Variants in MAGI2 observed in about 807,000 individuals in gnomAD.
MAGI2 encodes the protein membrane-associated guanylate kinase, WW and PDZ domain-containing protein 2.
In MAGI2, 35 loss-of-function variants were observed where a neutral mutation model predicts 133.3. That is an observed-to-expected ratio of 0.26 (90% CI 0.20 to 0.35). MAGI2 has a LOEUF of 0.35. MAGI2 is among the 10% of genes least tolerant of loss of function. MAGI2 has a pLI of 1.00. For synonymous variants in MAGI2, 729 were observed against 710.6 expected (o/e 1.03, Z -0.41); for missense variants, 1,636 against 1,863.4 (o/e 0.88, Z 2.25).
intron 1 of MAGI2, among the ~76,000 whole-genome samples, chr7:79,053,182 C>T (rs1277450560): frequency 1.3e-5 from 2 of 152,094 alleles, no homozygotes; most frequent in African/African-American, 4.8e-5. Flanking sequence ...ACCACATTAG[C>T]TAGGATGGTC....
At chr7:79,336,631 C>A (rs1025166342) in intron 1 of MAGI2, among the ~76,000 whole-genome samples, 1 of 152,042 alleles carries the variant, frequency 6.6e-6, no homozygotes, top group Non-Finnish European at 1.5e-5. Flanking sequence ...TTAATGCTAA[C>A]AGTGGCTTTT....
intron 2 of MAGI2, among the ~76,000 whole-genome samples, chr7:78,731,887 C>T (rs1241218494): frequency 6.6e-6 from 1 of 152,150 alleles, no homozygotes; most frequent in Non-Finnish European, 1.5e-5. Context: ...CGTGTACTCA[C>T]ACAGTTGAAT....
intron 3 of MAGI2, among the ~76,000 whole-genome samples, chr7:78,553,051 GA>G (rs1299584161): frequency 2.7e-5 from 4 of 146,548 alleles, no homozygotes; most frequent in Non-Finnish European, 6.0e-5. Context: ...GTAAGAGGCA[GA>G]GAAGGAAAAT....
chr7:78,903,269 C>T (rs975811904), intron 2 of MAGI2, among the ~76,000 whole-genome samples: 11 of 143,902 alleles, frequency 7.6e-5, no homozygotes, highest in African/African-American at 2.9e-4. Flanking sequence ...TCTTGGCTCA[C>T]CGCAAGCTCC....
chr7:78,137,831 A>G (rs1208698428), intron 16 of MAGI2, among the ~76,000 whole-genome samples: 2 of 152,238 alleles, frequency 1.3e-5, no homozygotes, highest in Non-Finnish European at 1.5e-5. Context: ...CCCTACACAC[A>G]TAAACACACA....
chr7:79,164,254 A>G (rs547262822), intron 1 of MAGI2, among the ~76,000 whole-genome samples: 36 of 152,120 alleles, frequency 2.4e-4, no homozygotes, highest in African/African-American at 8.4e-4. Context: ...CTCATCTGGC[A>G]GGTTTTATTT....
intron 20 of MAGI2, among the ~76,000 whole-genome samples, chr7:78,090,198 T>C (rs924444908): frequency 6.6e-6 from 1 of 152,234 alleles, no homozygotes; most frequent in African/African-American, 2.4e-5. Context: ...TCTCTGTGTG[T>C]CCACTGCTCT....
intron 1 of MAGI2, among the ~76,000 whole-genome samples, chr7:79,188,597 C>A (rs10270117): frequency 6.6e-6 from 1 of 151,484 alleles, no homozygotes; most frequent in African/African-American, 2.4e-5. Context: ...TGCATAAGCA[C>A]CCAATTCTTG....
intron 14 of MAGI2, among the ~76,000 whole-genome samples, chr7:78,176,765 T>C (rs1049885407): frequency 2.0e-5 from 3 of 152,008 alleles, no homozygotes; most frequent in Non-Finnish European, 4.4e-5. Flanking sequence ...GGAGGATTGA[T>C]TGAGTCCAGG....
chr7:79,308,944 A>AT (rs1252865692), intron 1 of MAGI2, among the ~76,000 whole-genome samples: 1 of 151,802 alleles, frequency 6.6e-6, no homozygotes, highest in East Asian at 1.9e-4. Context: ...AAAGTTGAAC[A>AT]TTTTTTTAAA....
At chr7:78,182,884 C>A (rs936717960) in intron 13 of MAGI2, among the ~76,000 whole-genome samples, 1 of 152,162 alleles carries the variant, frequency 6.6e-6, no homozygotes, top group African/African-American at 2.4e-5. Flanking sequence ...TTGTTTCTCA[C>A]TAATATTCTC....
chr7:79,397,424 C>T (rs936324955), intron 1 of MAGI2, among the ~76,000 whole-genome samples: 5 of 151,774 alleles, frequency 3.3e-5, no homozygotes, highest in Non-Finnish European at 7.4e-5. Context: ...TTTACATTAT[C>T]AGTTTTACTG....
intron 2 of MAGI2, among the ~76,000 whole-genome samples, chr7:78,908,017 G>T (rs181402476): frequency 2.1e-4 from 32 of 152,282 alleles, no homozygotes; most frequent in Admixed American, 1.2e-3. Flanking sequence ...GAAAGAGGAG[G>T]AGAGGAGATG....
chr7:78,659,500 A>G (rs1002103250), intron 2 of MAGI2, among the ~76,000 whole-genome samples: 3 of 151,624 alleles, frequency 2.0e-5, no homozygotes, highest in Non-Finnish European at 4.4e-5. Flanking sequence ...TAGATGAATC[A>G]CCAGAGAATT....
In MAGI2 at chr7:78,058,003, A is replaced by ATGTGTGTGTGTGTGTGTGTGTGTG. The variant is rs374332006; in HGVS notation, c.3706+20943_3706+20944insCACACACACACACACACACACACA. ...TATATATATATATATATATATATAT[A>ATGTGTGTGTGTGTGTGTGTGTGTG]TGTATGAGAAACATCTTGAATATAA... On this transcript the variant is annotated intron_variant, in intron 21 of 21. Coordinates refer to ENST00000354212, the MANE Select transcript of MAGI2 (RefSeq NM_012301.4). Among the ~76,000 whole-genome samples the ATGTGTGTGTGTGTGTGTGTGTGTG allele has an allele frequency of 2.4e-4, 28 of 117,058 alleles. 1 individual carries two copies. Among genetic ancestry groups the ATGTGTGTGTGTGTGTGTGTGTGTG allele is most frequent in the African/African-American group, 8.8e-4 (27 of 30,590 alleles). 76.8% of individuals were successfully genotyped at this position (117,058 alleles called of 152,430 possible).
At chr7:78,246,792 C>G (rs553358980) in intron 10 of MAGI2, among the ~76,000 whole-genome samples, 85 of 152,256 alleles carry the variant, frequency 5.6e-4, no homozygotes, top group South Asian at 2.5e-3. Flanking sequence ...GCAGCTGTAT[C>G]CTGCTCACCA....
intron 2 of MAGI2, among the ~76,000 whole-genome samples, chr7:78,993,857 A>C (rs1368454606): frequency 6.6e-6 from 1 of 152,106 alleles, no homozygotes; most frequent in Non-Finnish European, 1.5e-5. Flanking sequence ...AATAAAAAAA[A>C]ATAAGAGCTT....
chr7:78,174,404 C>G (rs919885772), intron 14 of MAGI2, among the ~76,000 whole-genome samples: 2 of 152,188 alleles, frequency 1.3e-5, no homozygotes, highest in African/African-American at 4.8e-5. Context: ...TGGGTTTACC[C>G]TTAAATGCCC....
intron 2 of MAGI2, among the ~76,000 whole-genome samples, chr7:78,903,756 G>T (rs889857060): frequency 2.0e-5 from 3 of 152,094 alleles, no homozygotes; most frequent in African/African-American, 7.2e-5. Flanking sequence ...GTGCGTGTGT[G>T]CATAGAAAAA....
Sources: allele counts gnomAD v4.1 joint callset (sites outside exome capture counted in the v4.1 genomes callset), GRCh38; gene constraint gnomAD v4.1.1; transcripts MANE v1.5; gene names NCBI Gene and HGNC (gene_info 2026-07-23, HGNC 2026-07-21).